Variants in HIGD1A observed in about 807,000 individuals in gnomAD.
The protein encoded by HIGD1A is HIG1 domain family member 1A, mitochondrial.
HIGD1A carries 8 observed loss-of-function variants against 11.3 expected under a neutral mutation model. The observed-to-expected ratio is 0.71, with a 90% CI of 0.42 to 1.28. The LOEUF (loss-of-function observed/expected upper bound fraction) is 1.28, where lower values mean the gene tolerates loss of function less well. Ranked by LOEUF, HIGD1A falls within the 50% of genes most tolerant of loss-of-function variation. The pLI is 0.01. For missense variants in HIGD1A, 107 were observed against 118.8 expected, an observed-to-expected ratio of 0.90 and a Z score of 0.46; for synonymous variants, 32 against 38.4, an observed-to-expected ratio of 0.83 and a Z score of 0.62.
intron 1 of HIGD1A, among the ~76,000 whole-genome samples, chr3:42,800,310 CAG>C (rs1700540182): frequency 6.6e-6 from 1 of 151,062 alleles, no homozygotes; most frequent in African/African-American, 2.4e-5. Flanking sequence ...GCCTGGGCCA[CAG>C]AGAGACTCTG....
intron 1 of HIGD1A, among the ~76,000 whole-genome samples, chr3:42,803,477 A>T (rs144268308): frequency 6.6e-6 from 1 of 152,202 alleles, no homozygotes; most frequent in Non-Finnish European, 1.5e-5. Context: ...ATCTTTAAGA[A>T]GCCCCTTCAA....
chr3:42,787,594 AATATATATATAT>A (rs1163603645), intron 2 of HIGD1A, among the ~76,000 whole-genome samples: 1 of 141,256 alleles, frequency 7.1e-6, no homozygotes, highest in African/African-American at 2.6e-5. Flanking sequence ...CCATCTCAAA[AATATATATATAT>A]ATATATATAT....
chr3:42,796,881 C>CA (rs765311545), intron 1 of HIGD1A, among the ~76,000 whole-genome samples: 88 of 7,720 alleles, frequency 0.011, 16 homozygotes, highest in South Asian at 0.11. Flanking sequence ...TTATAACTTC[C>CA]GTCCCTCTCC....
chr3:42,790,512 G>A (rs944683624), intron 2 of HIGD1A, among the ~76,000 whole-genome samples: 1 of 152,206 alleles, frequency 6.6e-6, no homozygotes, highest in Non-Finnish European at 1.5e-5. Context: ...CAGCCTGAGC[G>A]ACAGAGCAAG....
At position 42,782,975 on chromosome 3, in the gene HIGD1A, T is replaced by C. The variant is rs2125922627; in HGVS notation, c.*2296A>G. ...CTGAGAATTGTATTATCTAGCCAAA[T>C]TGTTTTTACTGTGTAAAGGCTACAG... On this transcript the variant is annotated 3_prime_UTR_variant, in exon 4 of 4. Transcript: ENST00000321331. Among the ~76,000 whole-genome samples, 1 of 152,372 alleles carries C rather than the reference T, an allele frequency of 6.6e-6. No homozygotes were observed.
intron 2 of HIGD1A, among the ~76,000 whole-genome samples, chr3:42,793,456 C>G (rs1214106696): frequency 6.6e-6 from 1 of 152,176 alleles, no homozygotes; most frequent in African/African-American, 2.4e-5. Flanking sequence ...CCCCTCTCCC[C>G]CTGTGGGACT....
Position 42,804,269 on chromosome 3 carries a change from G to A in HIGD1A, c.-23+167C>T. ...CGACTCCTCTCATCCGCCCATGCTCGAGGCCGGGCCTGAGCCCCGGCAACT... is the reference window on the plus strand; with the variant it reads ...CGACTCCTCTCATCCGCCCATGCTCAAGGCCGGGCCTGAGCCCCGGCAACT... On this transcript the variant is annotated intron_variant, in intron 1 of 3. Transcript: ENST00000321331. 8 of 1,502,178 alleles carry A rather than the reference G, an allele frequency of 5.3e-6. No individual in the cohort carries two copies. The South Asian group carries it at 9.3e-5, about 17-fold the overall frequency. 93.1% of individuals were successfully genotyped at this position (1,502,178 alleles called of 1,614,324 possible). A position where few individuals can be genotyped will look rare whatever the true frequency, so the allele number is the denominator to read the frequency against.
chr3:42,786,741 C>CATG (rs1700356454), intron 2 of HIGD1A, among the ~76,000 whole-genome samples: 2 of 152,166 alleles, frequency 1.3e-5, no homozygotes, highest in Non-Finnish European at 2.9e-5. Context: ...CAAAAGCATT[C>CATG]AGGACATGAC....
At chr3:42,785,710 C>T (rs1306388398) in intron 3 of HIGD1A, among the ~76,000 whole-genome samples, 2 of 152,148 alleles carry the variant, frequency 1.3e-5, no homozygotes, top group Non-Finnish European at 2.9e-5. Flanking sequence ...TTTAAAAACA[C>T]AATAAAATAG....
At position 42,786,125 on chromosome 3, in the gene HIGD1A, T is replaced by C. The variant is rs1214200531; in HGVS notation, c.135A>G (p.Leu45=). Residue 45 remains leucine (L), a synonymous_variant, in exon 3 of 4, where the codon TTA becomes TTG. Transcript: ENST00000321331. ...TATTTCCCCTGCTCTTCAGTTTATATAATCCATATGCAACAATTGCTGCAA... is the reference window on the plus strand; with the variant it reads ...TATTTCCCCTGCTCTTCAGTTTATACAATCCATATGCAACAATTGCTGCAA... ...AGFAAIVAYG[L]YKLKSRGNTK... 9 of 1,613,980 alleles carry C rather than the reference T, an allele frequency of 5.6e-6. No homozygotes were observed. The highest frequency in any genetic ancestry group is 1.1e-5 in the South Asian group (1 of 91,088).
intron 1 of HIGD1A, among the ~76,000 whole-genome samples, chr3:42,794,833 ATC>A (rs1180551099): frequency 6.6e-6 from 1 of 152,176 alleles, no homozygotes; most frequent in African/African-American, 2.4e-5. Context: ...GTAATCTGTT[ATC>A]CATGGTGGTT....
intron 1 of HIGD1A, among the ~76,000 whole-genome samples, chr3:42,795,665 C>T (rs1428856468): frequency 1.3e-5 from 2 of 151,496 alleles, no homozygotes; most frequent in Non-Finnish European, 2.9e-5. Context: ...TTTATAATTC[C>T]TTTAAATGGT....
chr3:42,793,796 C>A (rs1700458213), intron 2 of HIGD1A, among the ~76,000 whole-genome samples: 1 of 152,120 alleles, frequency 6.6e-6, no homozygotes, highest in African/African-American at 2.4e-5. Context: ...TATCGCAAAA[C>A]CCCGTGTCTA....
Position 42,784,957 on chromosome 3 carries a change from C to T in HIGD1A, c.*314G>A, listed in dbSNP as rs1700332106. 3.3e-6 allele frequency: 1 copy of T among 299,590 alleles called. No homozygotes were observed. Among genetic ancestry groups the T allele is most frequent in the African/African-American group, 2.2e-5 (1 of 46,158 alleles). 18.6% of individuals were successfully genotyped at this position (299,590 alleles called of 1,614,324 possible). A position where few individuals can be genotyped will look rare whatever the true frequency, so the allele number is the denominator to read the frequency against. ...AAACAGGGAGTACCTTCAGGATTGG[C>T]CTGTTATCTTCTTTAGAACTAAGTT... On this transcript the variant is annotated 3_prime_UTR_variant, in exon 4 of 4. Coordinates refer to ENST00000321331, the MANE Select transcript of HIGD1A (RefSeq NM_014056.4).
intron 2 of HIGD1A, among the ~76,000 whole-genome samples, chr3:42,788,741 G>T (rs1272063848): frequency 6.6e-6 from 1 of 151,866 alleles, no homozygotes; most frequent in Non-Finnish European, 1.5e-5. Context: ...AATCAGCCTG[G>T]TGTGGTGGCG....
At chr3:42,789,979 C>G (rs1700402353) in intron 2 of HIGD1A, among the ~76,000 whole-genome samples, 1 of 151,974 alleles carries the variant, frequency 6.6e-6, no homozygotes, top group African/African-American at 2.4e-5. Flanking sequence ...GCCTCAGCCC[C>G]GCAAAGCACT....
intron 2 of HIGD1A, among the ~76,000 whole-genome samples, chr3:42,789,510 A>C (rs1700393605): frequency 6.6e-6 from 1 of 151,436 alleles, no homozygotes; most frequent in African/African-American, 2.4e-5. Flanking sequence ...ACAAAAAAAA[A>C]AAATTTTAAT....
intron 1 of HIGD1A, 157 bp from the exon 2 acceptor site, chr3:42,794,432 T>A (rs2125592395): frequency 7.0e-6 from 5 of 710,550 alleles, no homozygotes; most frequent in Non-Finnish European, 8.5e-6. Flanking sequence ...TAACTGTATT[T>A]TTAATGTACA....
Position 42,785,068 on chromosome 3 carries a change from T to C in HIGD1A, c.*203A>G. The C allele has an allele frequency of 2.1e-6, 1 of 466,316 alleles. No individual in the cohort carries two copies. The highest frequency in any genetic ancestry group is 3.9e-6 in the Non-Finnish European group (1 of 255,202). 28.9% of individuals were successfully genotyped at this position (466,316 alleles called of 1,614,324 possible). ...TTTAAGTTAACTTGACTTCCTTGAA[T>C]GACCTAGTTAGTAAACTAGTCACTA... is the stretch of plus-strand genomic sequence containing the variant. On this transcript the variant is annotated 3_prime_UTR_variant, in exon 4 of 4. Coordinates refer to ENST00000321331, the MANE Select transcript of HIGD1A (RefSeq NM_014056.4).
Sources: allele counts gnomAD v4.1 joint callset (sites outside exome capture counted in the v4.1 genomes callset), GRCh38; gene constraint gnomAD v4.1.1; transcripts MANE v1.5; gene names NCBI Gene and HGNC (gene_info 2026-07-23, HGNC 2026-07-21).